Variants in PTPRD observed in about 807,000 individuals in gnomAD.
The protein encoded by PTPRD is receptor-type tyrosine-protein phosphatase delta.
Under a neutral mutation model 214.5 loss-of-function variants are expected in PTPRD, and 34 were observed. That is an observed-to-expected ratio of 0.16 (90% CI 0.12 to 0.21). PTPRD has a LOEUF of 0.21. Among genes scored for constraint, PTPRD ranks in the 10% least tolerant of loss-of-function variants. The probability of loss-of-function intolerance (pLI) is 1.00; values close to 1 mark genes in which losing one functional copy is unlikely to be tolerated. For synonymous variants in PTPRD, 1,128 were observed against 845.7 expected, an observed-to-expected ratio of 1.33 and a Z score of -5.79; for missense variants, 2,545 against 2,398.7, an observed-to-expected ratio of 1.06 and a Z score of -1.27.
intron 2 of PTPRD, among the ~76,000 whole-genome samples, chr9:10,451,717 A>G (rs183857099): frequency 6.7e-6 from 1 of 150,322 alleles, no homozygotes; most frequent in East Asian, 1.9e-4. Flanking sequence ...TTTCACTAAT[A>G]AAGTGGTTTT....
chr9:9,229,686 G>A (rs2099961867), intron 9 of PTPRD, among the ~76,000 whole-genome samples: 1 of 152,032 alleles, frequency 6.6e-6, no homozygotes, highest in Non-Finnish European at 1.5e-5. Flanking sequence ...GAGAGACAAA[G>A]CTGGGCTGAC....
chr9:9,451,067 TA>T (rs1569568449), intron 8 of PTPRD, among the ~76,000 whole-genome samples: 2 of 148,378 alleles, frequency 1.3e-5, no homozygotes, highest in Non-Finnish European at 3.0e-5. Context: ...GGTCAAAGAA[TA>T]AAAAAGCAAA....
intron 9 of PTPRD, among the ~76,000 whole-genome samples, chr9:9,287,867 C>T (rs961260146): frequency 2.0e-5 from 3 of 151,592 alleles, no homozygotes; most frequent in Non-Finnish European, 2.9e-5. Context: ...AAGGTGCAAA[C>T]ATACCAGTAA....
chr9:9,335,552 G>A (rs1235132548), intron 9 of PTPRD, among the ~76,000 whole-genome samples: 2 of 151,950 alleles, frequency 1.3e-5, no homozygotes, highest in Non-Finnish European at 2.9e-5. Context: ...GTCTTTTAAA[G>A]CTGGTATTTA....
At chr9:8,790,167 T>C (rs1014592900) in intron 11 of PTPRD, among the ~76,000 whole-genome samples, 14 of 151,378 alleles carry the variant, frequency 9.2e-5, no homozygotes, top group Admixed American at 5.9e-4. Context: ...CAGGCACGCA[T>C]CACTATGCCT....
chr9:8,480,744 C>G (rs753625589), intron 30 of PTPRD, among the ~76,000 whole-genome samples: 2 of 152,116 alleles, frequency 1.3e-5, no homozygotes, highest in African/African-American at 4.8e-5. Flanking sequence ...AATAAACATT[C>G]AGAATGAATA....
chr9:8,632,781 A>C (rs1414478110), intron 14 of PTPRD, among the ~76,000 whole-genome samples: 3 of 152,030 alleles, frequency 2.0e-5, no homozygotes, highest in African/African-American at 7.2e-5. Flanking sequence ...AGTTATTTAG[A>C]TCAATACATA....
At chr9:8,998,452 C>A (rs1343068986) in intron 11 of PTPRD, among the ~76,000 whole-genome samples, 2 of 151,926 alleles carry the variant, frequency 1.3e-5, no homozygotes, top group Non-Finnish European at 2.9e-5. Flanking sequence ...GCATGACTTA[C>A]CGTGAATATT....
chr9:9,869,175 C>T (rs1465006781), intron 5 of PTPRD, among the ~76,000 whole-genome samples: 1 of 152,136 alleles, frequency 6.6e-6, no homozygotes, highest in Admixed American at 6.6e-5. Flanking sequence ...GGGAATCAAT[C>T]AAGCATTATC....
intron 4 of PTPRD, among the ~76,000 whole-genome samples, chr9:9,950,722 CAAAAAAAAAAAAAAA>C (rs922771507): frequency 0.02 from 54 of 2,644 alleles, 1 homozygote; most frequent in Admixed American, 0.027. Context: ...GACTCCGTCT[CAAAAAAAAAAAAAAA>C]AAAAAAAAAA....
At chr9:8,496,519 CAT>C (rs769037512) in intron 26 of PTPRD, among the ~76,000 whole-genome samples, 1 of 152,162 alleles carries the variant, frequency 6.6e-6, no homozygotes, top group Non-Finnish European at 1.5e-5. Flanking sequence ...CAATAAATAA[CAT>C]AGAGTTTTCA....
chr9:8,754,617 T>A (rs2093821817), intron 11 of PTPRD, among the ~76,000 whole-genome samples: 1 of 152,176 alleles, frequency 6.6e-6, no homozygotes, highest in South Asian at 2.1e-4. Context: ...GAGACCTAGA[T>A]GTGAAAGATA....
intron 2 of PTPRD, among the ~76,000 whole-genome samples, chr9:10,356,827 C>A (rs1317095456): frequency 6.6e-6 from 1 of 151,844 alleles, no homozygotes; most frequent in African/African-American, 2.4e-5. Context: ...TTACAGCTGC[C>A]TGCCACCATG....
chr9:8,789,980 T>C (rs1249530697), intron 11 of PTPRD, among the ~76,000 whole-genome samples: 1 of 152,152 alleles, frequency 6.6e-6, no homozygotes, highest in African/African-American at 2.4e-5. Context: ...TACAATACTA[T>C]ACAACTCACT....
chr9:9,574,479 A>G (rs1346670664), intron 8 of PTPRD, among the ~76,000 whole-genome samples: 5 of 152,058 alleles, frequency 3.3e-5, no homozygotes, highest in African/African-American at 1.2e-4. Flanking sequence ...CAGTGGTATC[A>G]ATCTTTACCT....
At chr9:10,269,084 G>T (rs1350242062) in intron 3 of PTPRD, among the ~76,000 whole-genome samples, 3 of 152,096 alleles carry the variant, frequency 2.0e-5, no homozygotes, top group Non-Finnish European at 2.9e-5. Context: ...AAGTTCACAT[G>T]CTCAAACCTT....
At chr9:9,167,125 A>G (rs551289936) in intron 10 of PTPRD, among the ~76,000 whole-genome samples, 35 of 152,262 alleles carry the variant, frequency 2.3e-4, no homozygotes, top group African/African-American at 7.7e-4. Flanking sequence ...AAAACCAGGG[A>G]GCCCAAATCA....
intron 8 of PTPRD, among the ~76,000 whole-genome samples, chr9:9,560,320 G>A (rs930765848): frequency 1.7e-4 from 26 of 152,184 alleles, no homozygotes; most frequent in African/African-American, 4.6e-4. Context: ...AATACAGGGC[G>A]AGCCTGCAAG....
At chr9:10,127,609 A>G (rs563837651) in intron 3 of PTPRD, among the ~76,000 whole-genome samples, 1 of 152,274 alleles carries the variant, frequency 6.6e-6, no homozygotes, top group South Asian at 2.1e-4. Flanking sequence ...TTATTTATTA[A>G]TGATATTAAT....
Sources: gnomAD v4.1 joint callset for allele counts (sites outside exome capture counted in the v4.1 genomes callset) on GRCh38, gnomAD v4.1.1 for gene constraint, MANE v1.5 for transcripts, NCBI Gene and HGNC (gene_info 2026-07-23, HGNC 2026-07-21) for gene names.